The following ADGRG1 variants were observed in gnomAD, a reference collection of about 807,000 sequenced individuals.
ADGRG1 encodes adhesion G protein-coupled receptor G1, also known as 7-transmembrane protein with no EGF-like N-terminal domains-1.
In ADGRG1, 53 loss-of-function variants were observed where a neutral mutation model predicts 73.5. The ratio of observed to expected loss-of-function variants is 0.72; its 90% CI spans 0.58 to 0.91. The LOEUF is 0.91. Ranked by LOEUF, ADGRG1 falls within the 40% of genes least tolerant of loss-of-function variation. ADGRG1 has a pLI of 0.00. For synonymous variants in ADGRG1, 394 were observed against 374.4 expected (o/e 1.05, Z -0.60); for missense variants, 795 against 871.8 (o/e 0.91, Z 1.11).
chr16:57,628,071 G>A (rs955160650), upstream of ADGRG1: 2 of 985,228 alleles, frequency 2.0e-6, no homozygotes, highest in East Asian at 1.1e-4. Context: ...TCACCCCCCG[G>A]GGGGACGCAG....
At chr16:57,632,215 A>G in intron 1 of ADGRG1, 1 of 985,452 alleles carries the variant, frequency 1.0e-6, no homozygotes, top group Non-Finnish European at 1.2e-6. Flanking sequence ...TCAGCCAGCC[A>G]GGCACATGCT....
intron 11 of ADGRG1, among the ~76,000 whole-genome samples, chr16:57,660,081 C>G (rs2046713159): frequency 1.3e-5 from 2 of 152,204 alleles, no homozygotes; most frequent in Non-Finnish European, 1.5e-5. Context: ...CCTTGGGTAA[C>G]AGATTCCCTG....
intron 1 of ADGRG1, 37 bp downstream of exon 1, chr16:57,628,839 G>A: frequency 2.0e-6 from 2 of 978,054 alleles, no homozygotes; most frequent in Non-Finnish European, 2.4e-6. Flanking sequence ...GTGGGAAGGG[G>A]AATAGTGTGA....
Position 57,653,592 on chromosome 16 carries a change from C to T in ADGRG1, c.620+257C>T. 6.1e-6 allele frequency: 6 copies of T among 984,380 alleles called. No individual in the cohort carries two copies. The South Asian group carries it at 1.4e-4, about 23-fold the overall frequency. 61.0% of individuals were successfully genotyped at this position (984,380 alleles called of 1,614,324 possible). A position where few individuals can be genotyped will look rare whatever the true frequency, so the allele number is the denominator to read the frequency against. On this transcript the variant is annotated intron_variant, in intron 4 of 13. Coordinates refer to ENST00000562631, the MANE Select transcript of ADGRG1 (RefSeq NM_201525.4). The stretch of plus-strand genomic sequence containing the variant: ...TCATAAAGAAAGGATGGGTGGTCCA[C>T]AGTACAGCCCAGCAGACCAAGGCTC...
chr16:57,657,504 A>G lies in ADGRG1; in HGVS notation c.1286+13A>G. 1 of 1,572,370 alleles carries G rather than the reference A, an allele frequency of 6.4e-7. No individual in the cohort carries two copies. The highest frequency in any genetic ancestry group is 2.3e-5 in the East Asian group (1 of 44,410). On this transcript the variant is annotated intron_variant, in intron 10 of 13. Coordinates refer to ENST00000562631, the MANE Select transcript of ADGRG1 (RefSeq NM_201525.4). ...ACCTCTGCTCCAGGTGAGGCCTGAA[A>G]GGGGTGGGACAGGGGAGGGGACCCT...
At chr16:57,639,872 G>GT (rs2040346703) in intron 1 of ADGRG1, 1 of 973,828 alleles carries the variant, frequency 1.0e-6, no homozygotes, top group Non-Finnish European at 1.2e-6. Context: ...TAGCCAGTGG[G>GT]TGGGGGTGTG....
chr16:57,628,969 AGTGT>A (rs1452640242), intron 1 of ADGRG1, 167 bp downstream of exon 1: 1 of 558,180 alleles, frequency 1.8e-6, no homozygotes, highest in Non-Finnish European at 2.1e-6. Flanking sequence ...TGTGAGTGTG[AGTGT>A]GTGAGAGTGA....
chr16:57,659,761 C>T (rs911956149), intron 11 of ADGRG1, 80 bp downstream of exon 11: 3 of 1,439,988 alleles, frequency 2.1e-6, no homozygotes. Flanking sequence ...GGTTCTGCCT[C>T]TCCACCTATC....
chr16:57,637,404 G>A (rs2039625546), intron 1 of ADGRG1: 1 of 985,172 alleles, frequency 1.0e-6, no homozygotes, highest in Admixed American at 6.2e-5. Flanking sequence ...TGTTTCTCCG[G>A]GTTGCTGTTG....
rs1334164902 is a variant in ADGRG1 at position 57,650,371 on chromosome 16, C to T, written c.64+20C>T. 6.2e-7 allele frequency: 1 copy of T among 1,606,466 alleles called. No individual in the cohort carries two copies. Among genetic ancestry groups the T allele is most frequent in the African/African-American group, 1.3e-5 (1 of 74,904 alleles). ...TCCAAGGCAGGTCTTCCCAGGGGTG[C>T]CCTGGGCTGTTGGAACTTACGTTAA... On this transcript the variant is annotated intron_variant, in intron 2 of 13. Coordinates refer to ENST00000562631, the MANE Select transcript of ADGRG1 (RefSeq NM_201525.4).
chr16:57,644,674 ACACT>A (rs2041962948), intron 1 of ADGRG1, among the ~76,000 whole-genome samples: 1 of 129,086 alleles, frequency 7.7e-6, no homozygotes, highest in South Asian at 2.8e-4. Context: ...CACTCCTCAC[ACACT>A]CATGCACAAG....
chr16:57,644,008 TAA>T, intron 1 of ADGRG1: 1 of 985,006 alleles, frequency 1.0e-6, no homozygotes, highest in Non-Finnish European at 1.2e-6. Flanking sequence ...TTACTTTTAT[TAA>T]AAAAGTTTGG....
At chr16:57,640,794 G>C in intron 1 of ADGRG1, 1 of 702,782 alleles carries the variant, frequency 1.4e-6, no homozygotes, top group Non-Finnish European at 1.7e-6. Context: ...AAAAAGAAAG[G>C]GAGGGTTGGT....
Position 57,641,274 on chromosome 16 carries a change from C to A in ADGRG1, c.-35-8979C>A, listed in dbSNP as rs1240093725. ...ATGCCCCTAACTCCTGCCACCCCTG[C>A]TCTAGGCATGTACATTCCCTGGGCA... is the stretch of plus-strand genomic sequence containing the variant. On this transcript the variant is annotated intron_variant, in intron 1 of 13. Coordinates refer to ENST00000562631, the MANE Select transcript of ADGRG1 (RefSeq NM_201525.4). 4.1e-6 allele frequency: 4 copies of A among 984,854 alleles called. No homozygotes were observed. The African/African-American group carries it at 5.2e-5, about 13-fold the overall frequency. The allele number at this position is 984,854 out of a possible 1,614,324, so 61.0% of individuals were successfully genotyped here.
chr16:57,620,632 A>G (rs977888528), upstream of ADGRG1, among the ~76,000 whole-genome samples: 1 of 152,066 alleles, frequency 6.6e-6, no homozygotes, highest in African/African-American at 2.4e-5. Context: ...TAGCGAGCCA[A>G]ATGGAAGGAA....
At chr16:57,649,187 G>T (rs1194842012) in intron 1 of ADGRG1, among the ~76,000 whole-genome samples, 2 of 152,190 alleles carry the variant, frequency 1.3e-5, no homozygotes, top group African/African-American at 4.8e-5. Flanking sequence ...CCTGGGTACT[G>T]GCTCCCCCTG....
At chr16:57,654,845 A>G (rs111673950) in intron 5 of ADGRG1, among the ~76,000 whole-genome samples, 4,045 of 152,152 alleles carry the variant, frequency 0.027, 177 homozygotes, top group African/African-American at 0.091. Context: ...GTGCCACTAC[A>G]CTCCAGCCTG....
At chr16:57,662,510 G>A (rs2047447463) in intron 13 of ADGRG1, among the ~76,000 whole-genome samples, 2 of 152,182 alleles carry the variant, frequency 1.3e-5, no homozygotes, top group African/African-American at 4.8e-5. Flanking sequence ...CCCGGGCCCT[G>A]CCACATCAGA....
At chr16:57,620,482 G>A (rs1197475876), upstream of ADGRG1, among the ~76,000 whole-genome samples, 1 of 152,230 alleles carries the variant, frequency 6.6e-6, no homozygotes, top group Non-Finnish European at 1.5e-5. Context: ...ACGGGAGGCA[G>A]GCGGCAGGAC....
Sources: gnomAD v4.1 joint callset for allele counts (sites outside exome capture counted in the v4.1 genomes callset) on GRCh38, gnomAD v4.1.1 for gene constraint, MANE v1.5 for transcripts, NCBI Gene and HGNC (gene_info 2026-07-23, HGNC 2026-07-21) for gene names.